The following MAP3K5 variants were observed in gnomAD, a reference collection of about 807,000 sequenced individuals.
MAP3K5 encodes ASK-1.
MAP3K5 carries 56 observed loss-of-function variants against 158.7 expected under a neutral mutation model. The observed-to-expected ratio is 0.35, with a 90% CI of 0.28 to 0.44. MAP3K5 has a LOEUF of 0.44. MAP3K5 is among the 20% of genes least tolerant of loss of function. MAP3K5 has a pLI of 1.00. For missense variants in MAP3K5, 1,294 were observed against 1,674.8 expected (o/e 0.77, Z 3.97); for synonymous variants, 579 against 601.7 (o/e 0.96, Z 0.55).
In MAP3K5 at chr6:136,592,525, C is replaced by CA; in HGVS notation, c.2967_2968insT (p.Glu990Ter). On this transcript the variant is annotated frameshift_variant, in exon 22 of 30. Coordinates refer to ENST00000359015, the MANE Select transcript of MAP3K5 (RefSeq NM_005923.4). LOFTEE classifies it high-confidence loss of function. ...AAAGAGAAGGGGTCCACTTTCAACT[C>CA]CGTGTCGGGTGAAACTGAGCCGTAC... 1 of 1,612,708 alleles carries CA rather than the reference C, an allele frequency of 6.2e-7. No homozygotes were observed. The highest frequency in any genetic ancestry group is 8.5e-7 in the Non-Finnish European group (1 of 1,178,824).
intron 7 of MAP3K5, among the ~76,000 whole-genome samples, chr6:136,682,292 A>G (rs1779969957): frequency 6.6e-6 from 1 of 152,238 alleles, no homozygotes; most frequent in Non-Finnish European, 1.5e-5. Flanking sequence ...CAACAGTGAG[A>G]TAAAACTCTG....
At chr6:136,685,648 T>C (rs377217943) in intron 7 of MAP3K5, among the ~76,000 whole-genome samples, 2 of 152,146 alleles carry the variant, frequency 1.3e-5, no homozygotes, top group African/African-American at 4.8e-5. Context: ...TGGCTTACTG[T>C]TTATTCAAGT....
At chr6:136,715,514 G>A (rs1253935966) in intron 2 of MAP3K5, among the ~76,000 whole-genome samples, 1 of 151,890 alleles carries the variant, frequency 6.6e-6, no homozygotes, top group East Asian at 1.9e-4. Flanking sequence ...CCCCTAAGAG[G>A]TAACTATTCT....
intron 21 of MAP3K5, among the ~76,000 whole-genome samples, chr6:136,595,301 C>T (rs1413719724): frequency 1.3e-5 from 2 of 152,060 alleles, no homozygotes; most frequent in Admixed American, 6.6e-5. Context: ...TATAGGGTTT[C>T]GCCATGTCGG....
intron 18 of MAP3K5, among the ~76,000 whole-genome samples, chr6:136,608,443 G>A (rs1776193693): frequency 6.6e-6 from 1 of 152,190 alleles, no homozygotes; most frequent in Non-Finnish European, 1.5e-5. Flanking sequence ...GGCAGCAGCA[G>A]AGGTGGTGAG....
At chr6:136,680,437 A>C (rs1779884558) in intron 7 of MAP3K5, among the ~76,000 whole-genome samples, 1 of 152,226 alleles carries the variant, frequency 6.6e-6, no homozygotes. Context: ...TTGGATATTT[A>C]GATTTCTTCC....
chr6:136,740,019 AC>A (rs1562662179), intron 1 of MAP3K5, among the ~76,000 whole-genome samples: 1 of 152,166 alleles, frequency 6.6e-6, no homozygotes, highest in Non-Finnish European at 1.5e-5. Context: ...CGGGGCTTCC[AC>A]AGGATGAAGA....
At chr6:136,658,357 C>T (rs1223409483) in intron 9 of MAP3K5, among the ~76,000 whole-genome samples, 1 of 133,482 alleles carries the variant, frequency 7.5e-6, no homozygotes, top group Non-Finnish European at 1.5e-5. Context: ...CCCTGTCACC[C>T]AGGTTGAAAT....
At position 136,613,740 on chromosome 6, in the gene MAP3K5, G is replaced by A. The variant is rs946210544; in HGVS notation, c.2278+419C>T. On this transcript the variant is annotated intron_variant, in intron 16 of 29. Transcript: ENST00000359015. This position sits in a 1 kb window ranked among gnomAD's most constrained non-coding sequence, Gnocchi z 4.0. Reference sequence around the variant, plus strand: ...AATGGTGCCAAAGAAAAGATCCCCCGAGACCATTACCCCTCCTTATGGAAC... The same window carrying A: ...AATGGTGCCAAAGAAAAGATCCCCCAAGACCATTACCCCTCCTTATGGAAC... Among the ~76,000 whole-genome samples the A allele has an allele frequency of 5.9e-5, 9 of 151,942 alleles. No individual in the cohort carries two copies. The highest frequency in any genetic ancestry group is 2.1e-4 in the South Asian group (1 of 4,810).
At chr6:136,675,751 A>G (rs1779677939) in intron 7 of MAP3K5, among the ~76,000 whole-genome samples, 1 of 152,178 alleles carries the variant, frequency 6.6e-6, no homozygotes, top group Non-Finnish European at 1.5e-5. Flanking sequence ...GTAGAAGGGT[A>G]TAATAAAGAA....
At chr6:136,634,851 G>A (rs1281232897) in intron 14 of MAP3K5, among the ~76,000 whole-genome samples, 1 of 151,522 alleles carries the variant, frequency 6.6e-6, no homozygotes, top group African/African-American at 2.4e-5. Context: ...ACAGGCATGA[G>A]CCACCACACC....
intron 11 of MAP3K5, among the ~76,000 whole-genome samples, chr6:136,645,593 A>G (rs1778215744): frequency 6.6e-6 from 1 of 152,222 alleles, no homozygotes; most frequent in South Asian, 2.1e-4. Flanking sequence ...TTTTTCTTTC[A>G]TTGTACACAT....
At chr6:136,603,422 C>T (rs528258667) in intron 19 of MAP3K5, among the ~76,000 whole-genome samples, 26 of 151,818 alleles carry the variant, frequency 1.7e-4, no homozygotes, top group African/African-American at 6.3e-4. Context: ...AGGTGATCTG[C>T]CCGCCTCAGC....
Position 136,644,587 on chromosome 6 carries a change from G to A in MAP3K5, c.1789-2018C>T, listed in dbSNP as rs1052637425. Among the ~76,000 whole-genome samples, 4 of 152,206 alleles carry A rather than the reference G, an allele frequency of 2.6e-5. No homozygotes were observed. The East Asian group carries it at 5.8e-4, about 22-fold the overall frequency. On this transcript the variant is annotated intron_variant, in intron 11 of 29. Transcript: ENST00000359015. ...ACTGTATTGACTGAAGGTGGCAGGA[G>A]TTATACTGTAGTAGGCACTGTCAGC...
At chr6:136,629,259 G>A (rs1777196679) in intron 14 of MAP3K5, 1 of 152,146 alleles carries the variant, frequency 6.6e-6, no homozygotes, top group Non-Finnish European at 1.5e-5. Flanking sequence ...ACTTTCGGCG[G>A]GGGCTTAATC....
intron 27 of MAP3K5, 35 bp downstream of exon 27, chr6:136,562,468 T>C (rs374855092): frequency 3.6e-5 from 40 of 1,114,010 alleles, no homozygotes; most frequent in Non-Finnish European, 4.7e-5. Context: ...GCAGCCTGGC[T>C]GAACAGTATT....
chr6:136,583,238 T>G (rs1774967168), intron 24 of MAP3K5, among the ~76,000 whole-genome samples: 1 of 152,198 alleles, frequency 6.6e-6, no homozygotes, highest in Non-Finnish European at 1.5e-5. Flanking sequence ...GACTAAAGTG[T>G]GTTACGTTGC....
In MAP3K5 at chr6:136,607,678, G is replaced by A. The variant is rs917189054; in HGVS notation, c.2522-2312C>T. Among the ~76,000 whole-genome samples the A allele has an allele frequency of 2.0e-5, 3 of 152,160 alleles. No individual in the cohort carries two copies. In the South Asian group the frequency reaches 6.2e-4, roughly 31 times the overall value. On this transcript the variant is annotated intron_variant, in intron 18 of 29. Coordinates refer to ENST00000359015, the MANE Select transcript of MAP3K5 (RefSeq NM_005923.4). ...CTTTGCTGCTGCAACTACCCAGGGAGGTGGTACAGCTTAGTGGTTAATTAA... is the reference window on the plus strand; with the variant it reads ...CTTTGCTGCTGCAACTACCCAGGGAAGTGGTACAGCTTAGTGGTTAATTAA...
At position 136,592,505 on chromosome 6, in the gene MAP3K5, G is replaced by A. The variant is rs772690977; in HGVS notation, c.2988C>T (p.Phe996=). ...AGGACTTGGCTCTTGTTTTGAAAGA[G>A]AAGGGGTCCACTTTCAACTCCGTGT... ...SPDTELKVDP[F]SFKTRAKSCG... The change falls in exon 22 of 30, where the codon TTC becomes TTT. Residue 996 remains phenylalanine, a synonymous_variant. Coordinates refer to ENST00000359015, the MANE Select transcript of MAP3K5 (RefSeq NM_005923.4). 2.5e-5 allele frequency: 40 copies of A among 1,613,942 alleles called. No individual in the cohort carries two copies. The highest frequency in any genetic ancestry group is 3.3e-5 in the Non-Finnish European group (39 of 1,180,020).
Sources: allele counts gnomAD v4.1 joint callset (sites outside exome capture counted in the v4.1 genomes callset), GRCh38; gene constraint gnomAD v4.1.1; non-coding constraint Gnocchi (gnomAD v3.1); transcripts MANE v1.5; gene names NCBI Gene and HGNC (gene_info 2026-07-23, HGNC 2026-07-21).